Variants in L3MBTL4 observed in about 807,000 individuals in gnomAD.
L3MBTL4 encodes the protein L3MBTL histone methyl-lysine binding protein 4, also known as lethal(3)malignant brain tumor-like protein 4.
A neutral mutation model predicts 84.5 loss-of-function variants in L3MBTL4; 70 were observed. The ratio of observed to expected loss-of-function variants is 0.83; its 90% CI spans 0.68 to 1.01. The LOEUF (loss-of-function observed/expected upper bound fraction) is 1.01, where lower values mean the gene tolerates loss of function less well. Among genes scored for constraint, L3MBTL4 ranks in the 50% least tolerant of loss-of-function variants. The pLI is 0.00. For missense variants in L3MBTL4, 715 were observed against 754.8 expected, an observed-to-expected ratio of 0.95 and a Z score of 0.62; for synonymous variants, 274 against 259.8, an observed-to-expected ratio of 1.05 and a Z score of -0.52.
chr18:6,210,086 A>G (rs1006985521), intron 12 of L3MBTL4, among the ~76,000 whole-genome samples: 2 of 152,230 alleles, frequency 1.3e-5, no homozygotes, highest in African/African-American at 2.4e-5. Context: ...TGGTTGCACA[A>G]CTTTGTGAAT....
chr18:6,311,030 T>TG (rs1419446484), intron 3 of L3MBTL4, among the ~76,000 whole-genome samples: 4 of 152,246 alleles, frequency 2.6e-5, no homozygotes, highest in Admixed American at 2.0e-4. Flanking sequence ...AACTCCTCCC[T>TG]GGGCCTCCTG....
chr18:6,395,817 A>G (rs1483688400), intron 1 of L3MBTL4: 1 of 152,204 alleles, frequency 6.6e-6, no homozygotes, highest in East Asian at 1.9e-4. Flanking sequence ...TCCCATGGAT[A>G]TTATCTACAA....
At chr18:6,384,841 G>A (rs1311505583) in intron 1 of L3MBTL4, among the ~76,000 whole-genome samples, 2 of 152,156 alleles carry the variant, frequency 1.3e-5, no homozygotes, top group East Asian at 3.9e-4. Context: ...GCAGTCTGTG[G>A]AGAGGCTCAC....
intron 4 of L3MBTL4, among the ~76,000 whole-genome samples, chr18:6,294,216 T>C (rs988815244): frequency 4.6e-5 from 7 of 152,092 alleles, no homozygotes; most frequent in African/African-American, 1.7e-4. Flanking sequence ...AAGTTTGATA[T>C]AAAAAGTTTC....
At chr18:6,398,765 A>G (rs2055386644) in intron 1 of L3MBTL4, among the ~76,000 whole-genome samples, 1 of 149,700 alleles carries the variant, frequency 6.7e-6, no homozygotes, top group African/African-American at 2.5e-5. Flanking sequence ...GGCGGGGGAG[A>G]AAAAAAAAGA....
At position 6,080,796 on chromosome 18, in the gene L3MBTL4, A is replaced by G. The variant is rs1391439387; in HGVS notation, c.1444+85T>C. 7.0e-6 allele frequency: 7 copies of G among 996,880 alleles called. No homozygotes were observed. In the East Asian group the frequency reaches 1.8e-4, roughly 26 times the overall value. 61.8% of individuals were successfully genotyped at this position (996,880 alleles called of 1,614,324 possible). A position where few individuals can be genotyped will look rare whatever the true frequency, so the allele number is the denominator to read the frequency against. ...GCTCTTTCTACCATTCCCTGTTGGA[A>G]TGATAAAACCAAACAGTCAAACAAA... On this transcript the variant is annotated intron_variant, in intron 16 of 18. Transcript: ENST00000317931.
At chr18:6,134,975 G>GC (rs1568178535) in intron 14 of L3MBTL4, among the ~76,000 whole-genome samples, 1 of 152,142 alleles carries the variant, frequency 6.6e-6, no homozygotes, top group Admixed American at 6.5e-5. Flanking sequence ...TGAGATCCCT[G>GC]CCCCTGCAGC....
At chr18:6,171,786 G>C in intron 13 of L3MBTL4, 42 bp downstream of exon 13, 3 of 1,189,172 alleles carry the variant, frequency 2.5e-6, no homozygotes, top group Non-Finnish European at 3.6e-6. Context: ...TGGAAATCAG[G>C]CCAAGTATTT....
At chr18:6,253,961 ACACT>A (rs1403490821) in intron 5 of L3MBTL4, among the ~76,000 whole-genome samples, 3 of 152,298 alleles carry the variant, frequency 2.0e-5, no homozygotes, top group Middle Eastern at 3.4e-3. Context: ...ATACACGCAC[ACACT>A]CACCACATGT....
chr18:6,104,430 A>G (rs999183339), intron 14 of L3MBTL4, among the ~76,000 whole-genome samples: 4 of 151,706 alleles, frequency 2.6e-5, no homozygotes, highest in Non-Finnish European at 4.4e-5. Flanking sequence ...GTGACAACAT[A>G]GTTGAACCAT....
intron 12 of L3MBTL4, among the ~76,000 whole-genome samples, chr18:6,196,312 C>T (rs1042356324): frequency 7.9e-5 from 12 of 152,172 alleles, no homozygotes; most frequent in African/African-American, 2.2e-4. Context: ...CGCCCGCCAC[C>T]ACGCCCGTCT....
In L3MBTL4 at chr18:6,093,530, T is replaced by C. The variant is rs1217667600; in HGVS notation, c.1200-2A>G. On this transcript the variant is annotated splice_acceptor_variant, in intron 14 of 18. Coordinates refer to ENST00000317931, the MANE Select transcript of L3MBTL4 (RefSeq NM_001330559.2). LOFTEE classifies it high-confidence loss of function. ...TCTGAATACGGGCAGCCAAAAGCACTGGTTTGTATAAAAATGAGAGCACAG... is the reference window on the plus strand; with the variant it reads ...TCTGAATACGGGCAGCCAAAAGCACCGGTTTGTATAAAAATGAGAGCACAG... 1 of 1,610,070 alleles carries C rather than the reference T, an allele frequency of 6.2e-7. No individual in the cohort carries two copies. Among genetic ancestry groups the C allele is most frequent in the African/African-American group, 1.3e-5 (1 of 74,558 alleles).
chr18:6,208,344 AT>A (rs531417485), intron 12 of L3MBTL4, among the ~76,000 whole-genome samples: 135 of 152,302 alleles, frequency 8.9e-4, no homozygotes, highest in African/African-American at 2.9e-3. Flanking sequence ...TTCTAGTTAC[AT>A]AACTAGACAG....
At chr18:6,147,071 A>G (rs373190593) in intron 13 of L3MBTL4, among the ~76,000 whole-genome samples, 4 of 151,998 alleles carry the variant, frequency 2.6e-5, no homozygotes, top group East Asian at 1.9e-4. Flanking sequence ...CTAAAAATCA[A>G]TAAAGCAAAC....
chr18:5,991,637 C>T (rs139951184), intron 16 of L3MBTL4, among the ~76,000 whole-genome samples: 14 of 152,204 alleles, frequency 9.2e-5, no homozygotes, highest in African/African-American at 3.4e-4. Flanking sequence ...TCACAGCTGC[C>T]GTGTCAAGAT....
chr18:5,980,448 T>TTTTG (rs2053161777), intron 16 of L3MBTL4, among the ~76,000 whole-genome samples: 1 of 141,916 alleles, frequency 7.0e-6, no homozygotes, highest in Non-Finnish European at 1.5e-5. Flanking sequence ...TTTTTTTTTT[T>TTTTG]GAGATGGAGT....
chr18:6,169,177 A>C (rs1438596113), intron 13 of L3MBTL4, among the ~76,000 whole-genome samples: 2 of 152,060 alleles, frequency 1.3e-5, no homozygotes, highest in African/African-American at 2.4e-5. Flanking sequence ...AGTCAGGAAA[A>C]AACAGGTGCT....
At chr18:5,968,706 T>TAAAAC (rs2052478886) in intron 17 of L3MBTL4, among the ~76,000 whole-genome samples, 1 of 53,918 alleles carries the variant, frequency 1.9e-5, no homozygotes, top group Admixed American at 2.0e-4. Context: ...CTAAATAAAA[T>TAAAAC]AAAATAAAAT....
chr18:6,326,285 T>C lies in L3MBTL4; in HGVS notation c.-90-14229A>G, dbSNP rs74811886. On this transcript the variant is annotated intron_variant, in intron 1 of 18. Transcript: ENST00000317931. ...TGTAAGAATATCCAAGGCTCAGAGA[T>C]TTAACATCTGTGACAAGATCAGACA... 8.5e-4 allele frequency among the ~76,000 whole-genome samples: 130 copies of C among 152,248 alleles called. 3 individuals carry two copies. The East Asian group carries it at 0.024, about 28-fold the overall frequency.
Sources: allele counts gnomAD v4.1 joint callset (sites outside exome capture counted in the v4.1 genomes callset), GRCh38; gene constraint gnomAD v4.1.1; transcripts MANE v1.5; gene names NCBI Gene and HGNC (gene_info 2026-07-23, HGNC 2026-07-21).